The following ROBO1 variants were observed in gnomAD, a reference collection of about 807,000 sequenced individuals.
The protein encoded by ROBO1 is roundabout homolog 1.
ROBO1 carries 149 observed loss-of-function variants against 195.9 expected under a neutral mutation model. The ratio of observed to expected loss-of-function variants is 0.76; its 90% confidence interval spans 0.67 to 0.87. The LOEUF (loss-of-function observed/expected upper bound fraction) is 0.87, where lower values mean the gene tolerates loss of function less well. ROBO1 is among the 40% of genes least tolerant of loss of function. The probability of loss-of-function intolerance (pLI) is 0.00; values close to 1 mark genes in which losing one functional copy is unlikely to be tolerated. For synonymous variants in ROBO1, 816 were observed against 733.2 expected (o/e 1.11, Z -1.82); for missense variants, 1,933 against 2,068.3 (o/e 0.93, Z 1.27).
rs565147879 is a variant in ROBO1 at position 78,922,605 on chromosome 3, C to CTT, written c.499+15994_499+15995dup. Among the ~76,000 whole-genome samples, 327 of 123,142 alleles carry CTT rather than the reference C, an allele frequency of 2.7e-3. 2 individuals carry two copies. The highest frequency in any genetic ancestry group is 0.014 in the Middle Eastern group (3 of 208). 80.8% of individuals were successfully genotyped at this position (123,142 alleles called of 152,430 possible). A position where few individuals can be genotyped will look rare whatever the true frequency, so the allele number is the denominator to read the frequency against. Reference sequence around the variant, plus strand: ...TTTTCTTCTTCTCCTTCTTCTTCTTCTTTTTTTTTTTTTTTTTTGACAGAG... The same window carrying CTT: ...TTTTCTTCTTCTCCTTCTTCTTCTTCTTTTTTTTTTTTTTTTTTTTGACAGAG... On this transcript the variant is annotated intron_variant, in intron 4 of 30. Transcript: ENST00000464233.
chr3:79,562,743 TTTC>T (rs745522283), intron 2 of ROBO1, among the ~76,000 whole-genome samples: 3 of 152,054 alleles, frequency 2.0e-5, no homozygotes, highest in Admixed American at 6.6e-5. Flanking sequence ...GCCAAATTTA[TTTC>T]TTATTGTTTT....
chr3:79,053,769 T>C (rs899871561), intron 3 of ROBO1, among the ~76,000 whole-genome samples: 18 of 152,032 alleles, frequency 1.2e-4, no homozygotes, highest in African/African-American at 4.3e-4. Context: ...GCCAACTCCA[T>C]CTCAGATACC....
chr3:78,765,988 A>G (rs1339865382), intron 4 of ROBO1, among the ~76,000 whole-genome samples: 3 of 152,156 alleles, frequency 2.0e-5, no homozygotes, highest in Admixed American at 6.5e-5. Flanking sequence ...ATTGATTTGT[A>G]TTTATTTACA....
chr3:79,663,023 A>G (rs956645821), intron 1 of ROBO1, among the ~76,000 whole-genome samples: 13 of 152,070 alleles, frequency 8.5e-5, no homozygotes, highest in African/African-American at 2.9e-4. Flanking sequence ...TGATGTTAGA[A>G]CTCAGAAGCT....
At chr3:79,655,948 G>C (rs551822416) in intron 1 of ROBO1, among the ~76,000 whole-genome samples, 2 of 152,094 alleles carry the variant, frequency 1.3e-5, no homozygotes, top group East Asian at 1.9e-4. Context: ...GATCTCAACT[G>C]AATCACCAAC....
chr3:79,198,995 C>CT (rs2081703905), intron 2 of ROBO1, among the ~76,000 whole-genome samples: 1 of 151,992 alleles, frequency 6.6e-6, no homozygotes, highest in Admixed American at 6.6e-5. Flanking sequence ...TTGACTTCCT[C>CT]TTTTCCTAAT....
intron 2 of ROBO1, among the ~76,000 whole-genome samples, chr3:79,143,238 G>A (rs1220301870): frequency 1.3e-5 from 2 of 151,924 alleles, no homozygotes; most frequent in Non-Finnish European, 1.5e-5. Flanking sequence ...AAAATAACCC[G>A]ACAGCCTAAC....
At chr3:79,429,493 C>G (rs2038588697) in intron 2 of ROBO1, among the ~76,000 whole-genome samples, 1 of 152,032 alleles carries the variant, frequency 6.6e-6, no homozygotes. Context: ...ACACGCAAAG[C>G]CTAATCCAGG....
At chr3:79,044,409 A>C (rs981479389) in intron 3 of ROBO1, among the ~76,000 whole-genome samples, 6 of 152,192 alleles carry the variant, frequency 3.9e-5, no homozygotes, top group African/African-American at 1.4e-4. Flanking sequence ...CATTTAATTT[A>C]ATAGCCAATG....
At chr3:78,873,584 T>C (rs1334678847) in intron 4 of ROBO1, among the ~76,000 whole-genome samples, 1 of 152,156 alleles carries the variant, frequency 6.6e-6, no homozygotes, top group East Asian at 1.9e-4. Context: ...AAAATATTCC[T>C]ACAAAAATTT....
chr3:79,474,694 T>G (rs949703066), intron 2 of ROBO1, among the ~76,000 whole-genome samples: 5 of 152,080 alleles, frequency 3.3e-5, no homozygotes, highest in South Asian at 2.1e-4. Context: ...AAGAAACAAT[T>G]TGTGGTACAA....
At chr3:79,045,500 T>C (rs2078574234) in intron 3 of ROBO1, among the ~76,000 whole-genome samples, 1 of 152,062 alleles carries the variant, frequency 6.6e-6, no homozygotes, top group African/African-American at 2.4e-5. Flanking sequence ...GGAGAGACGA[T>C]ATAGATCTAT....
intron 2 of ROBO1, among the ~76,000 whole-genome samples, chr3:79,127,929 C>G (rs1214887451): frequency 6.6e-6 from 1 of 152,110 alleles, no homozygotes; most frequent in African/African-American, 2.4e-5. Context: ...CTTGTTCTGC[C>G]TTTAATTAAT....
chr3:79,532,392 T>G (rs1044688382), intron 2 of ROBO1, among the ~76,000 whole-genome samples: 15 of 152,216 alleles, frequency 9.9e-5, no homozygotes, highest in African/African-American at 3.4e-4. Flanking sequence ...GATGTTTATA[T>G]TTTTCTAAAC....
intron 2 of ROBO1, among the ~76,000 whole-genome samples, chr3:79,300,445 C>T (rs900661773): frequency 6.6e-6 from 1 of 152,228 alleles, no homozygotes; most frequent in East Asian, 1.9e-4. Context: ...TGGGCGTTAG[C>T]TGCCTTCCCG....
chr3:78,764,869 A>G (rs2083190605), intron 4 of ROBO1, among the ~76,000 whole-genome samples: 1 of 152,132 alleles, frequency 6.6e-6, no homozygotes, highest in Admixed American at 6.6e-5. Context: ...TGTCATCATG[A>G]CAGCTTTAAA....
intron 2 of ROBO1, among the ~76,000 whole-genome samples, chr3:79,447,852 G>C (rs918148312): frequency 6.6e-6 from 1 of 151,764 alleles, no homozygotes; most frequent in East Asian, 1.9e-4. Context: ...AATTGTAAAA[G>C]AATTTACGTG....
intron 1 of ROBO1, among the ~76,000 whole-genome samples, chr3:79,626,236 A>G (rs1350573149): frequency 6.6e-6 from 1 of 152,122 alleles, no homozygotes; most frequent in African/African-American, 2.4e-5. Flanking sequence ...CATGAGGTCA[A>G]GAGATGGAGA....
chr3:79,348,837 T>C (rs2035231850), intron 2 of ROBO1, among the ~76,000 whole-genome samples: 1 of 152,186 alleles, frequency 6.6e-6, no homozygotes, highest in African/African-American at 2.4e-5. Context: ...GGACAGAACA[T>C]AGGAGGCTTA....
Sources: gnomAD v4.1 joint callset for allele counts (sites outside exome capture counted in the v4.1 genomes callset) on GRCh38, gnomAD v4.1.1 for gene constraint, MANE v1.5 for transcripts, NCBI Gene and HGNC (gene_info 2026-07-23, HGNC 2026-07-21) for gene names.